The following IL13RA1 variants were observed in gnomAD, a reference collection of about 807,000 sequenced individuals.
IL13RA1 encodes interleukin-13 receptor subunit alpha-1.
In IL13RA1, 14 loss-of-function variants were observed where a neutral mutation model predicts 33.8. The ratio of observed to expected loss-of-function variants is 0.41; its 90% confidence interval spans 0.27 to 0.65. The LOEUF (loss-of-function observed/expected upper bound fraction) is 0.65, where lower values mean the gene tolerates loss of function less well. Ranked by LOEUF, IL13RA1 falls within the 30% of genes least tolerant of loss-of-function variation. The pLI, the probability that IL13RA1 is intolerant of heterozygous loss-of-function variation, is 0.28. For missense variants in IL13RA1, 313 were observed against 327.0 expected (o/e 0.96, Z 0.33); for synonymous variants, 116 against 115.7 (o/e 1.00, Z -0.02).
At chrX:118,778,573 T>A (rs945838881) in intron 10 of IL13RA1, among the ~76,000 whole-genome samples, 1 of 111,321 alleles carries the variant, frequency 9.0e-6, no homozygotes, top group Non-Finnish European at 1.9e-5. Flanking sequence ...GTTCTAGGAC[T>A]CTGCATATTT....
chrX:118,757,524 CA>C (rs1166805158), intron 4 of IL13RA1, among the ~76,000 whole-genome samples: 305 of 32,684 alleles, frequency 9.3e-3, no homozygotes, highest in Middle Eastern at 0.018. Context: ...GACTCTGTCT[CA>C]AAAAAAAAAA....
At chrX:118,746,783 A>G (rs2017409658) in intron 2 of IL13RA1, among the ~76,000 whole-genome samples, 171 bp from the exon 3 acceptor site, 1 of 110,733 alleles carries the variant, frequency 9.0e-6, no homozygotes, top group African/African-American at 3.3e-5. Context: ...ATATTACCAA[A>G]TGTCTCTGAG....
Position 118,770,346 on chromosome X carries a change from G to C in IL13RA1, c.1009+3370G>C, listed in dbSNP as rs192066495. On this transcript the variant is annotated intron_variant, in intron 8 of 10. Transcript: ENST00000371666. ...GGCGAGCCCTACGTGGAGGTGCCGC[G>C]CTACCGCACTGCACCTGCATCACCC... 521 of 360,298 alleles carry C rather than the reference G, an allele frequency of 1.4e-3. 1 individual carries two copies. Among genetic ancestry groups the C allele is most frequent in the African/African-American group, 0.012 (481 of 38,818 alleles). The allele number at this position is 360,298 out of a possible 1,213,427, so 29.7% of individuals were successfully genotyped here.
chrX:118,796,249 T>C (rs1248536725), downstream of IL13RA1, among the ~76,000 whole-genome samples: 1 of 112,065 alleles, frequency 8.9e-6, no homozygotes, highest in East Asian at 2.8e-4. Flanking sequence ...ATGAGTTAGG[T>C]TGTGTTGTTA....
rs1267018594 is a variant in IL13RA1, at chrX:118,793,238, T to G, written c.*1384T>G. ...AATCTGAGAAACAATGACTAATTCT[T>G]GCATATTTTGTAACTTCCATGTGAG... On this transcript the variant is annotated 3_prime_UTR_variant, in exon 11 of 11. Coordinates refer to ENST00000371666, the MANE Select transcript of IL13RA1 (RefSeq NM_001560.3). 8.9e-6 allele frequency: 1 copy of G among 112,405 alleles called. No homozygotes were observed. Among genetic ancestry groups the G allele is most frequent in the African/African-American group, 3.2e-5 (1 of 30,818 alleles). 9.3% of individuals were successfully genotyped at this position (112,405 alleles called of 1,213,427 possible).
At chrX:118,759,929 C>T (rs146482581) in intron 5 of IL13RA1, among the ~76,000 whole-genome samples, 3,344 of 110,839 alleles carry the variant, frequency 0.03, 150 homozygotes, top group African/African-American at 0.1. Context: ...TGTGCCACCA[C>T]GCCAGGCTAA....
At chrX:118,773,371 G>A (rs2017746239) in intron 8 of IL13RA1, among the ~76,000 whole-genome samples, 2 of 111,499 alleles carry the variant, frequency 1.8e-5, no homozygotes, top group South Asian at 7.5e-4. Context: ...TGCGCCTGTA[G>A]TCCCAGCTAC....
intron 6 of IL13RA1, 176 bp downstream of exon 6, chrX:118,761,465 G>GTA: frequency 3.1e-6 from 1 of 318,179 alleles, no homozygotes; most frequent in Middle Eastern, 8.5e-4. Context: ...TGGTATGATA[G>GTA]TATCAGCTGC....
At chrX:118,804,791 A>G in the IL13RA1 span, among the ~76,000 whole-genome samples, 8 of 112,216 alleles carry the variant, frequency 7.1e-5, no homozygotes, top group Admixed American at 7.5e-4. Context: ...TGGGAAATAT[A>G]CAGACCATGT....
chrX:118,772,596 T>TA lies in IL13RA1; in HGVS notation c.1010-1274dup, dbSNP rs202072545. On this transcript the variant is annotated intron_variant, in intron 8 of 10. Coordinates refer to ENST00000371666, the MANE Select transcript of IL13RA1 (RefSeq NM_001560.3). ...ATGGCAAAATAGCTTAAAAGAACTTTAAAAAAAAACCCTATGTGATATGTT... is the reference window on the plus strand; with the variant it reads ...ATGGCAAAATAGCTTAAAAGAACTTTAAAAAAAAAACCCTATGTGATATGTT... 1.5e-4 allele frequency among the ~76,000 whole-genome samples: 17 copies of TA among 110,833 alleles called. No homozygotes were observed. The East Asian group carries it at 2.0e-3, about 13-fold the overall frequency.
At chrX:118,782,287 C>G (rs1049415755) in intron 10 of IL13RA1, among the ~76,000 whole-genome samples, 1 of 111,144 alleles carries the variant, frequency 9.0e-6, no homozygotes, top group Non-Finnish European at 1.9e-5. Flanking sequence ...GTTGCCCAGG[C>G]TGGTCTTGAA....
intron 10 of IL13RA1, among the ~76,000 whole-genome samples, chrX:118,783,812 ACTT>A (rs2147399884): frequency 9.5e-6 from 1 of 105,538 alleles, no homozygotes; most frequent in East Asian, 3.0e-4. Context: ...TTAAATTAAA[ACTT>A]TTTTTTTTTT....
chrX:118,756,947 G>A (rs1210774205), intron 4 of IL13RA1, among the ~76,000 whole-genome samples: 4 of 111,152 alleles, frequency 3.6e-5, no homozygotes, highest in African/African-American at 1.3e-4. Flanking sequence ...GTTGAAGGAT[G>A]AGGGAGTGAT....
chrX:118,760,204 C>T (rs1199432638), intron 5 of IL13RA1, among the ~76,000 whole-genome samples: 2 of 111,910 alleles, frequency 1.8e-5, no homozygotes, highest in African/African-American at 6.5e-5. Context: ...ATTAATTTCC[C>T]CTCCCCTCCG....
intron 2 of IL13RA1, among the ~76,000 whole-genome samples, chrX:118,746,597 G>A (rs924893586): frequency 9.1e-6 from 1 of 110,227 alleles, no homozygotes; most frequent in Non-Finnish European, 1.9e-5. Flanking sequence ...GTGGGAAATT[G>A]TTGTATCTAC....
At chrX:118,786,585 G>A (rs1429442850) in intron 10 of IL13RA1, among the ~76,000 whole-genome samples, 1 of 111,557 alleles carries the variant, frequency 9.0e-6, no homozygotes, top group East Asian at 2.8e-4. Flanking sequence ...TTAGAAGGAG[G>A]CTTGATTGAG....
At chrX:118,739,332 G>GTTTGATGT (rs1403855637) in intron 1 of IL13RA1, among the ~76,000 whole-genome samples, 1 of 111,881 alleles carries the variant, frequency 8.9e-6, no homozygotes, top group Non-Finnish European at 1.9e-5. Context: ...GTGTCTGTGA[G>GTTTGATGT]TTTGATGTTT....
At chrX:118,773,422 C>T (rs1268512549) in intron 8 of IL13RA1, among the ~76,000 whole-genome samples, 3 of 111,677 alleles carry the variant, frequency 2.7e-5, no homozygotes, top group Non-Finnish European at 3.8e-5. Flanking sequence ...AACATGGAGG[C>T]GGAGGTTGCA....
At chrX:118,731,398 G>A (rs1194091623) in intron 1 of IL13RA1, among the ~76,000 whole-genome samples, 1 of 111,155 alleles carries the variant, frequency 9.0e-6, no homozygotes, top group East Asian at 2.8e-4. Flanking sequence ...CCAACATGGC[G>A]AAACCCAGTC....
Sources: gnomAD v4.1 joint callset for allele counts (sites outside exome capture counted in the v4.1 genomes callset) on GRCh38, gnomAD v4.1.1 for gene constraint, MANE v1.5 for transcripts, NCBI Gene and HGNC (gene_info 2026-07-23, HGNC 2026-07-21) for gene names.